MTOR: variants seen among roughly 807,000 people sequenced by gnomAD.
MTOR encodes mechanistic target of rapamycin kinase.
A neutral mutation model predicts 319.8 loss-of-function variants in MTOR; 70 were observed. The ratio of observed to expected loss-of-function variants is 0.22; its 90% confidence interval spans 0.18 to 0.27. MTOR has a LOEUF of 0.27. Ranked by LOEUF, MTOR falls within the 10% of genes least tolerant of loss-of-function variation. MTOR has a pLI of 1.00. For missense variants in MTOR, 1,890 were observed against 3,274.4 expected (o/e 0.58, Z 10.32); for synonymous variants, 1,183 against 1,211.4 (o/e 0.98, Z 0.49).
intron 28 of MTOR, among the ~76,000 whole-genome samples, chr1:11,181,287 G>C (rs949479099): frequency 1.5e-4 from 23 of 152,132 alleles, no homozygotes; most frequent in Middle Eastern, 3.4e-3. Context: ...AAAGTGATGA[G>C]ACACAGCCTG....
At chr1:11,194,651 T>C (rs747046261) in intron 28 of MTOR, 2 of 1,613,922 alleles carry the variant, frequency 1.2e-6, no homozygotes, top group Non-Finnish European at 1.7e-6. Flanking sequence ...TGTGCACAGC[T>C]CCGCAAAGGT....
At chr1:11,234,332 C>T in intron 13 of MTOR, 67 bp from the exon 14 acceptor site, 1 of 1,521,256 alleles carries the variant, frequency 6.6e-7, no homozygotes, top group Non-Finnish European at 8.8e-7. Context: ...CTGTGTCCAA[C>T]AGAAAAAGTG....
At chr1:11,260,936 TGCA>T (rs956464518) in intron 1 of MTOR, among the ~76,000 whole-genome samples, 3 of 151,628 alleles carry the variant, frequency 2.0e-5, no homozygotes, top group African/African-American at 7.3e-5. Flanking sequence ...ACTACAGATG[TGCA>T]GCACCACGCC....
chr1:11,245,571 T>C (rs1648695600), intron 8 of MTOR, among the ~76,000 whole-genome samples: 1 of 152,062 alleles, frequency 6.6e-6, no homozygotes, highest in Non-Finnish European at 1.5e-5. Context: ...ACTAAGGGGA[T>C]AGCATTTCGG....
rs188032388 is a variant in MTOR at position 11,145,099 on chromosome 1, A to G, written c.4687-54T>C. On this transcript the variant is annotated intron_variant, in intron 32 of 57. Coordinates refer to ENST00000361445, the MANE Select transcript of MTOR (RefSeq NM_004958.4). The stretch of plus-strand genomic sequence containing the variant: ...GCTCTGGACTTGGGAGCTTAGGGTT[A>G]TTTTAGGGCACCCCAACTAGCTACA... 3.4e-6 allele frequency: 5 copies of G among 1,474,394 alleles called. No individual in the cohort carries two copies. In the Admixed American group the frequency reaches 9.1e-5, roughly 27 times the overall value. The allele number at this position is 1,474,394 out of a possible 1,614,324, so 91.3% of individuals were successfully genotyped here.
In MTOR at chr1:11,107,543, T is replaced by G. The variant is rs1453686244; in HGVS notation, c.7635-43A>C. On this transcript the variant is annotated intron_variant, in intron 57 of 57. Transcript: ENST00000361445. ...AAAGGAATATTTTAATAATTTGAGC[T>G]TCTTCAAAGGTTTACACAGATAACT... 5.6e-6 allele frequency: 9 copies of G among 1,606,024 alleles called. No homozygotes were observed. The South Asian group carries it at 7.8e-5, about 14-fold the overall frequency.
At chr1:11,241,245 C>T (rs1244731434) in intron 10 of MTOR, among the ~76,000 whole-genome samples, 6 of 148,344 alleles carry the variant, frequency 4.0e-5, no homozygotes, top group African/African-American at 7.5e-5. Flanking sequence ...GGCGTGAACC[C>T]GGGAGGCGGA....
intron 28 of MTOR, among the ~76,000 whole-genome samples, chr1:11,192,632 C>A (rs10864493): frequency 0.059 from 8,954 of 151,640 alleles, 371 homozygotes; most frequent in South Asian, 0.12. Flanking sequence ...GTGGTGGGCA[C>A]CTGTAATCCC....
chr1:11,181,430 C>T (rs556457719), intron 28 of MTOR, among the ~76,000 whole-genome samples: 126 of 152,196 alleles, frequency 8.3e-4, no homozygotes, highest in African/African-American at 2.9e-3. Context: ...GAGGCTGAGG[C>T]AAGAGAACTG....
At chr1:11,180,298 C>A (rs1047655887) in intron 28 of MTOR, among the ~76,000 whole-genome samples, 3 of 152,150 alleles carry the variant, frequency 2.0e-5, no homozygotes, top group African/African-American at 7.2e-5. Flanking sequence ...GACCGCATAT[C>A]TTTTCTGGAA....
intron 30 of MTOR, among the ~76,000 whole-genome samples, chr1:11,152,160 G>C (rs548839617): frequency 2.0e-5 from 3 of 152,186 alleles, no homozygotes; most frequent in Non-Finnish European, 4.4e-5. Context: ...AATATACCGA[G>C]TCCTACCTCT....
chr1:11,248,226 T>C (rs1649103656), intron 6 of MTOR, 132 bp from the exon 7 acceptor site: 6 of 936,164 alleles, frequency 6.4e-6, no homozygotes, highest in Non-Finnish European at 9.6e-6. Flanking sequence ...GGGTGGCCAC[T>C]CTTCATGTTT....
intron 26 of MTOR, among the ~76,000 whole-genome samples, chr1:11,202,703 C>T (rs2100758296): frequency 6.6e-6 from 1 of 151,982 alleles, no homozygotes; most frequent in Non-Finnish European, 1.5e-5. Flanking sequence ...TGCTTGAGTC[C>T]AGGAGTTTGA....
intron 20 of MTOR, among the ~76,000 whole-genome samples, chr1:11,215,724 T>C (rs1357266160): frequency 2.0e-5 from 3 of 152,170 alleles, no homozygotes; most frequent in Admixed American, 6.5e-5. Flanking sequence ...GGGTAAAGCA[T>C]CACCTTGTTC....
chr1:11,233,884 C>A (rs1010278106), intron 14 of MTOR, among the ~76,000 whole-genome samples: 1 of 152,192 alleles, frequency 6.6e-6, no homozygotes. Context: ...CTACCTACTT[C>A]TCCTTTCCAA....
intron 46 of MTOR, among the ~76,000 whole-genome samples, chr1:11,126,041 CAAAAAAAAAAAAAA>C (rs757246303): frequency 3.5e-5 from 1 of 28,326 alleles, no homozygotes; most frequent in Non-Finnish European, 7.8e-5. Context: ...AACTCTGGCT[CAAAAAAAAAAAAAA>C]AAAAAAAAAA....
At chr1:11,143,811 G>C (rs1264114505) in intron 34 of MTOR, 1 of 152,144 alleles carries the variant, frequency 6.6e-6, no homozygotes, top group Non-Finnish European at 1.5e-5. Context: ...GATTATGATA[G>C]GTAGGGAGAC....
intron 19 of MTOR, among the ~76,000 whole-genome samples, chr1:11,217,133 A>G (rs1233698986): frequency 6.6e-6 from 1 of 152,150 alleles, no homozygotes; most frequent in East Asian, 1.9e-4. Flanking sequence ...TGTCTCTGAG[A>G]GATTATGAGC....
At chr1:11,220,031 CAAAAAAAAAAAAAAG>C (rs1269711236) in intron 19 of MTOR, among the ~76,000 whole-genome samples, 348 of 54,650 alleles carry the variant, frequency 6.4e-3, no homozygotes, top group Admixed American at 0.014. Context: ...GACTTGATCT[CAAAAAAAAAAAAAAG>C]AAAAGAAAAG....
Sources: gnomAD v4.1 joint callset for allele counts (sites outside exome capture counted in the v4.1 genomes callset) on GRCh38, gnomAD v4.1.1 for gene constraint, MANE v1.5 for transcripts, NCBI Gene and HGNC (gene_info 2026-07-23, HGNC 2026-07-21) for gene names.